Variants in TSHZ2 observed in about 807,000 individuals in gnomAD.
TSHZ2 encodes the protein teashirt zinc finger homeobox 2.
A neutral mutation model predicts 74.4 loss-of-function variants in TSHZ2; 21 were observed. The ratio of observed to expected loss-of-function variants is 0.28; its 90% confidence interval spans 0.20 to 0.41. TSHZ2 has a LOEUF of 0.41. Among genes scored for constraint, TSHZ2 ranks in the 10% least tolerant of loss-of-function variants. The pLI is 1.00. For synonymous variants in TSHZ2, 540 were observed against 515.3 expected, an observed-to-expected ratio of 1.05 and a Z score of -0.65; for missense variants, 1,244 against 1,293.5, an observed-to-expected ratio of 0.96 and a Z score of 0.59.
chr20:53,170,728 G>A (rs746850110), intron 1 of TSHZ2, among the ~76,000 whole-genome samples: 2 of 152,114 alleles, frequency 1.3e-5, no homozygotes, highest in Non-Finnish European at 2.9e-5. Context: ...TGAGCTTAGC[G>A]GTACTAAAAT....
intron 1 of TSHZ2, among the ~76,000 whole-genome samples, chr20:53,125,991 G>A (rs1272331621): frequency 6.6e-6 from 1 of 151,822 alleles, no homozygotes; most frequent in Non-Finnish European, 1.5e-5. Flanking sequence ...TCACTTAAAA[G>A]TTGGTAAAAA....
intron 1 of TSHZ2, among the ~76,000 whole-genome samples, chr20:53,225,624 A>C (rs1041657602): frequency 1.3e-5 from 2 of 152,230 alleles, no homozygotes; most frequent in African/African-American, 4.8e-5. Flanking sequence ...CAACTCCGCT[A>C]TGGCAACTAT....
At chr20:53,462,165 A>G (rs1985397292) in intron 2 of TSHZ2, among the ~76,000 whole-genome samples, 1 of 152,136 alleles carries the variant, frequency 6.6e-6, no homozygotes, top group Admixed American at 6.5e-5. Flanking sequence ...GAGGTGGAAG[A>G]ATCACTTGAA....
At chr20:53,371,799 C>A (rs1981481098) in intron 2 of TSHZ2, among the ~76,000 whole-genome samples, 1 of 151,016 alleles carries the variant, frequency 6.6e-6, no homozygotes, top group African/African-American at 2.5e-5. Context: ...TTGCTTGAAC[C>A]CAGGAGGCGG....
intron 1 of TSHZ2, among the ~76,000 whole-genome samples, chr20:53,070,439 C>T (rs1174962142): frequency 6.6e-6 from 1 of 152,126 alleles, no homozygotes; most frequent in Admixed American, 6.5e-5. Flanking sequence ...CCTGCGCTTT[C>T]GAAATTATCT....
intron 2 of TSHZ2, among the ~76,000 whole-genome samples, chr20:53,412,040 A>C (rs1983070957): frequency 6.6e-6 from 1 of 152,194 alleles, no homozygotes; most frequent in Non-Finnish European, 1.5e-5. Flanking sequence ...TTCAGAGGGA[A>C]TAAACATTCC....
At chr20:53,430,903 G>A (rs1030073608) in intron 2 of TSHZ2, among the ~76,000 whole-genome samples, 1 of 152,028 alleles carries the variant, frequency 6.6e-6, no homozygotes, top group African/African-American at 2.4e-5. Context: ...CTACAGGTAT[G>A]CGTCTCCACG....
chr20:53,475,316 C>A (rs1247453990), intron 2 of TSHZ2, among the ~76,000 whole-genome samples: 2 of 104,904 alleles, frequency 1.9e-5, no homozygotes, highest in Non-Finnish European at 3.8e-5. Flanking sequence ...ATCTCTCAGA[C>A]CACAGTGCAA....
At chr20:53,023,728 A>C (rs542748174) in intron 1 of TSHZ2, among the ~76,000 whole-genome samples, 1 of 152,202 alleles carries the variant, frequency 6.6e-6, no homozygotes, top group Admixed American at 6.5e-5. Flanking sequence ...CTTGCAGTGA[A>C]TATTTTGTGA....
chr20:53,356,683 T>G, intron 2 of TSHZ2, among the ~76,000 whole-genome samples: 1 of 152,240 alleles, frequency 6.6e-6, no homozygotes, highest in East Asian at 1.9e-4. Context: ...ATGTCCATTT[T>G]GGGACAGAAC....
rs574930730 is a variant in TSHZ2 at position 53,459,235 on chromosome 20, G to T, written c.*9-27909G>T. On this transcript the variant is annotated intron_variant, in intron 2 of 2. Coordinates refer to ENST00000371497, the MANE Select transcript of TSHZ2 (RefSeq NM_173485.6). ...CTCAGGACATGCTTTATGAATCTGGGTGCTCCTGTATTGGGTGCATATATA... is the reference window on the plus strand; with the variant it reads ...CTCAGGACATGCTTTATGAATCTGGTTGCTCCTGTATTGGGTGCATATATA... 1.2e-3 allele frequency among the ~76,000 whole-genome samples: 178 copies of T among 152,234 alleles called. 1 individual carries two copies. Among genetic ancestry groups the T allele is most frequent in the Non-Finnish European group, 2.0e-3 (135 of 68,026 alleles).
intron 1 of TSHZ2, among the ~76,000 whole-genome samples, chr20:53,040,696 A>G (rs949304889): frequency 1.1e-4 from 16 of 152,002 alleles, no homozygotes; most frequent in Non-Finnish European, 2.1e-4. Context: ...GGCAGGGTCC[A>G]TTTTGTTTTG....
chr20:53,183,197 G>A (rs994331626), intron 1 of TSHZ2, among the ~76,000 whole-genome samples: 4 of 152,178 alleles, frequency 2.6e-5, no homozygotes, highest in Admixed American at 6.5e-5. Flanking sequence ...CTGTGCTGAT[G>A]TGAAAAAGTT....
At chr20:53,160,341 A>G (rs543437884) in intron 1 of TSHZ2, among the ~76,000 whole-genome samples, 1 of 152,288 alleles carries the variant, frequency 6.6e-6, no homozygotes, top group East Asian at 1.9e-4. Flanking sequence ...CAAATCCCTT[A>G]TGGCTATGCC....
intron 1 of TSHZ2, among the ~76,000 whole-genome samples, chr20:53,197,806 T>C (rs1163830332): frequency 4.6e-5 from 7 of 152,192 alleles, no homozygotes; most frequent in Non-Finnish European, 2.9e-5. Context: ...GGCTGTTCCT[T>C]TGAGCTTATA....
chr20:52,998,271 C>A (rs573426417), intron 1 of TSHZ2, among the ~76,000 whole-genome samples: 2 of 152,138 alleles, frequency 1.3e-5, no homozygotes, highest in African/African-American at 2.4e-5. Flanking sequence ...CAGGTTCAAG[C>A]GATTCTCCTG....
intron 2 of TSHZ2, among the ~76,000 whole-genome samples, chr20:53,401,960 T>C (rs529385381): frequency 2.4e-4 from 36 of 152,002 alleles, no homozygotes; most frequent in Non-Finnish European, 4.4e-4. Context: ...TTTTTTGTAT[T>C]TTTTAGTACA....
At chr20:53,280,576 C>A (rs1543080) in intron 2 of TSHZ2, among the ~76,000 whole-genome samples, 21,158 of 152,168 alleles carry the variant, frequency 0.14, 1,743 homozygotes, top group African/African-American at 0.21. Context: ...AGAAGATCCA[C>A]TTGGTATGAA....
At chr20:53,244,250 T>C (rs1463525693) in intron 1 of TSHZ2, among the ~76,000 whole-genome samples, 2 of 152,084 alleles carry the variant, frequency 1.3e-5, no homozygotes, top group Admixed American at 1.3e-4. Context: ...GAACTATATG[T>C]GTGTGAGTGT....
Sources: allele counts gnomAD v4.1 joint callset (sites outside exome capture counted in the v4.1 genomes callset), GRCh38; gene constraint gnomAD v4.1.1; transcripts MANE v1.5; gene names NCBI Gene and HGNC (gene_info 2026-07-23, HGNC 2026-07-21).